TFB1M: variants seen among roughly 807,000 people sequenced by gnomAD.
TFB1M encodes dimethyladenosine transferase 1, mitochondrial.
Under a neutral mutation model 31.1 loss-of-function variants are expected in TFB1M, and 27 were observed. That is an observed-to-expected ratio of 0.87 (90% confidence interval 0.64 to 1.20). The LOEUF (loss-of-function observed/expected upper bound fraction) is 1.20. TFB1M is among the 50% of genes most tolerant of loss of function. The pLI is 0.00. For missense variants in TFB1M, 394 were observed against 418.7 expected, an observed-to-expected ratio of 0.94 and a Z score of 0.51; for synonymous variants, 166 against 151.8, an observed-to-expected ratio of 1.09 and a Z score of -0.69.
At chr6:155,239,905 T>C in the TFB1M span, among the ~76,000 whole-genome samples, 2 of 148,882 alleles carry the variant, frequency 1.3e-5, no homozygotes, top group Admixed American at 1.3e-4. Flanking sequence ...GTGAGGGTGT[T>C]ACCATCTTCA....
At chr6:155,268,375 C>A (rs1784758583) in intron 5 of TFB1M, among the ~76,000 whole-genome samples, 1 of 152,212 alleles carries the variant, frequency 6.6e-6, no homozygotes, top group Non-Finnish European at 1.5e-5. Context: ...GATCCCCAGG[C>A]TTCTTTGATT....
chr6:155,234,488 G>A, the TFB1M span, among the ~76,000 whole-genome samples: 7 of 152,154 alleles, frequency 4.6e-5, no homozygotes, highest in African/African-American at 1.7e-4. Flanking sequence ...GGATAGTCTT[G>A]ACCTCCTGGG....
intron 5 of TFB1M, 89 bp from the exon 6 acceptor site, chr6:155,260,489 G>A: frequency 6.5e-7 from 1 of 1,545,612 alleles, no homozygotes. Flanking sequence ...ACAGGAGGAT[G>A]GGCTGTCAAC....
chr6:155,304,943 T>C (rs762360556), intron 2 of TFB1M, among the ~76,000 whole-genome samples: 4 of 150,448 alleles, frequency 2.7e-5, no homozygotes, highest in Non-Finnish European at 5.9e-5. Flanking sequence ...TTTTTGACAA[T>C]AGTACTAAGG....
In TFB1M at chr6:155,257,587, T is replaced by G. The variant is rs925216100; in HGVS notation, c.*249A>C. The G allele has an allele frequency of 2.4e-4, 111 of 460,404 alleles. No homozygotes were observed. Among genetic ancestry groups the G allele is most frequent in the South Asian group, 4.9e-4 (17 of 35,022 alleles). The allele number at this position is 460,404 out of a possible 1,614,324, so 28.5% of individuals were successfully genotyped here. ...AGATACTTCATTTTTGTAAGATAGA[T>G]TGTAATAGATGCTGTTTATACTAAA... On this transcript the variant is annotated 3_prime_UTR_variant, in exon 7 of 7. Transcript: ENST00000367166.
chr6:155,230,999 A>AT, the TFB1M span, among the ~76,000 whole-genome samples: 9,588 of 146,926 alleles, frequency 0.065, 359 homozygotes, highest in South Asian at 0.13. Flanking sequence ...AGCCTGGCTA[A>AT]TTTTTTTTTT....
chr6:155,275,873 A>T, intron 5 of TFB1M: 1 of 1,614,114 alleles, frequency 6.2e-7, no homozygotes, highest in Non-Finnish European at 8.5e-7. Context: ...CGGGCTCTGG[A>T]TGGACTGTAC....
chr6:155,285,437 A>T (rs570115348), intron 4 of TFB1M, among the ~76,000 whole-genome samples, 160 bp from the exon 5 acceptor site: 39 of 152,344 alleles, frequency 2.6e-4, no homozygotes, highest in Admixed American at 8.5e-4. Context: ...AACATGGGGA[A>T]TATTTTCCTC....
intron 5 of TFB1M, among the ~76,000 whole-genome samples, chr6:155,280,752 G>A (rs1315959396): frequency 6.6e-6 from 1 of 152,108 alleles, no homozygotes; most frequent in Non-Finnish European, 1.5e-5. Flanking sequence ...AAACACAAAA[G>A]CATGAAAAAC....
chr6:155,307,863 G>A (rs186618116), intron 2 of TFB1M, among the ~76,000 whole-genome samples: 1 of 151,818 alleles, frequency 6.6e-6, no homozygotes, highest in East Asian at 1.9e-4. Flanking sequence ...TGGGCCGCAG[G>A]CAGCCCGTGG....
intron 4 of TFB1M, among the ~76,000 whole-genome samples, chr6:155,293,513 A>G (rs1227778312): frequency 6.6e-6 from 1 of 152,182 alleles, no homozygotes; most frequent in Non-Finnish European, 1.5e-5. Flanking sequence ...TTGCAGGTCT[A>G]TTCCTCCAGA....
At chr6:155,244,824 C>A in the TFB1M span, 1 of 1,570,270 alleles carries the variant, frequency 6.4e-7, no homozygotes, top group South Asian at 1.2e-5. Flanking sequence ...AAATACGTGG[C>A]TATGGTACGT....
downstream of TFB1M, chr6:155,253,169 AG>A: frequency 1.2e-6 from 1 of 812,986 alleles, no homozygotes; most frequent in Non-Finnish European, 2.0e-6. Flanking sequence ...TTTATAGACA[AG>A]GAAAATGAGG....
rs1286912350 is a variant in TFB1M, at chr6:155,256,889, C to T, written c.*947G>A. The T allele has an allele frequency of 1.2e-6, 2 of 1,614,178 alleles. No individual in the cohort carries two copies. The highest frequency in any genetic ancestry group is 1.7e-6 in the Non-Finnish European group (2 of 1,180,036). On this transcript the variant is annotated 3_prime_UTR_variant, in exon 7 of 7. Coordinates refer to ENST00000367166, the MANE Select transcript of TFB1M (RefSeq NM_016020.4). ...GAGGGTCAGAAAGGAGGAGAGCAGCCCAAACTGGTCCGGGGGCACTTCTGC... is the reference window on the plus strand; with the variant it reads ...GAGGGTCAGAAAGGAGGAGAGCAGCTCAAACTGGTCCGGGGGCACTTCTGC...
intron 4 of TFB1M, among the ~76,000 whole-genome samples, chr6:155,287,840 A>G (rs986882020): frequency 6.6e-6 from 1 of 152,150 alleles, no homozygotes; most frequent in African/African-American, 2.4e-5. Context: ...TGTTCTTAAG[A>G]GCTCAAAGGA....
chr6:155,298,665 T>A, intron 2 of TFB1M, 80 bp from the exon 3 acceptor site: 1 of 967,590 alleles, frequency 1.0e-6, no homozygotes, highest in Non-Finnish European at 1.7e-6. Flanking sequence ...CCTGTGCATT[T>A]AAAAAATCAG....
intron 5 of TFB1M, 52 bp from the exon 6 acceptor site, chr6:155,260,452 T>G: frequency 6.2e-6 from 10 of 1,612,514 alleles, no homozygotes; most frequent in Non-Finnish European, 8.5e-6. Context: ...TGTGGCATAG[T>G]GTGATCAATC....
At chr6:155,296,837 G>A in intron 4 of TFB1M, 116 bp downstream of exon 4, 1 of 994,912 alleles carries the variant, frequency 1.0e-6, no homozygotes, top group Non-Finnish European at 1.5e-6. Flanking sequence ...CTGGGTTCTT[G>A]TGTGTGTAAT....
chr6:155,265,927 A>G (rs184928001), intron 5 of TFB1M, among the ~76,000 whole-genome samples: 1 of 152,068 alleles, frequency 6.6e-6, no homozygotes, highest in Admixed American at 6.5e-5. Context: ...GTTTGAGGAT[A>G]GGAAGCATCC....
Sources: allele counts gnomAD v4.1 joint callset (sites outside exome capture counted in the v4.1 genomes callset), GRCh38; gene constraint gnomAD v4.1.1; transcripts MANE v1.5; gene names NCBI Gene and HGNC (gene_info 2026-07-23, HGNC 2026-07-21).